The following IGSF10 variants were observed in gnomAD, a reference collection of about 807,000 sequenced individuals.
IGSF10 encodes calvaria mechanical force protein 608.
A neutral mutation model predicts 128.2 loss-of-function variants in IGSF10; 126 were observed. The observed-to-expected ratio is 0.98, with a 90% CI of 0.85 to 1.14. The LOEUF (loss-of-function observed/expected upper bound fraction) is 1.14, where lower values mean the gene tolerates loss of function less well. Ranked by LOEUF, IGSF10 falls within the 50% of genes most tolerant of loss-of-function variation. The pLI is 0.00. For synonymous variants in IGSF10, 1,185 were observed against 1,146.2 expected (o/e 1.03, Z -0.68); for missense variants, 3,295 against 3,149.8 (o/e 1.05, Z -1.10).
chr3:151,454,753 G>A (rs1478652589), intron 4 of IGSF10, among the ~76,000 whole-genome samples: 1 of 151,936 alleles, frequency 6.6e-6, no homozygotes, highest in African/African-American at 2.4e-5. Flanking sequence ...CAGCACTTTG[G>A]GAGGCTGAGG....
chr3:151,498,844 T>C, the IGSF10 span, among the ~76,000 whole-genome samples: 1 of 152,142 alleles, frequency 6.6e-6, no homozygotes, highest in African/African-American at 2.4e-5. Context: ...CTACTTACAC[T>C]TGAGCATACT....
Position 151,447,539 on chromosome 3 carries a change from C to T in IGSF10, c.2442G>A (p.Leu814=), listed in dbSNP as rs965350081. Residue 814 remains leucine (L), a synonymous_variant, in exon 6 of 8, where the codon TTG becomes TTA. Transcript: ENST00000282466. The stretch of plus-strand genomic sequence containing the variant: ...CAGTCACTGTCCTTGCTGGAAGGTT[C>T]AAAGCTTTAGTGGCCGGGACCATAA... ...EEFMVPATKA[L]NLPARTVTAD... 5.6e-6 allele frequency: 9 copies of T among 1,614,094 alleles called. No individual in the cohort carries two copies. The highest frequency in any genetic ancestry group is 7.6e-6 in the Non-Finnish European group (9 of 1,180,008).
Position 151,436,228 on chromosome 3 carries a change from T to C in IGSF10, c.*461A>G, listed in dbSNP as rs577489605. The C allele has an allele frequency of 1.3e-5, 2 of 153,688 alleles. No homozygotes were observed. Among genetic ancestry groups the C allele is most frequent in the African/African-American group, 2.4e-5 (1 of 41,410 alleles). 9.5% of individuals were successfully genotyped at this position (153,688 alleles called of 1,614,324 possible). A position where few individuals can be genotyped will look rare whatever the true frequency, so the allele number is the denominator to read the frequency against. Reference sequence around the variant, plus strand: ...TTTTCTGTAGGTTTTAGCAAAAAAATTTATAAACCACAAAATATTTATACA... The same window carrying C: ...TTTTCTGTAGGTTTTAGCAAAAAAACTTATAAACCACAAAATATTTATACA... On this transcript the variant is annotated 3_prime_UTR_variant, in exon 8 of 8. Coordinates refer to ENST00000282466, the MANE Select transcript of IGSF10 (RefSeq NM_178822.5).
rs149336117 is a variant in IGSF10 at position 151,443,625 on chromosome 3, G to T, written c.5322C>A (p.Ser1774Arg). The T allele has an allele frequency of 2.5e-6, 4 of 1,614,082 alleles. No homozygotes were observed. In the African/African-American group the frequency reaches 4.0e-5, roughly 16 times the overall value. Reference sequence around the variant, plus strand: ...TTGCAAGAATCCAGGTAACTGTAGGGCTTGGCCTACCTTCTGCTCTGCACT... The same window carrying T: ...TTGCAAGAATCCAGGTAACTGTAGGTCTTGGCCTACCTTCTGCTCTGCACT... ...ELKCRAEGRP[S>R]PTVTWILANQ... Residue 1774 changes from serine to arginine, a missense_variant, in exon 7 of 8, where the codon AGC becomes AGA. Transcript: ENST00000282466.
the IGSF10 span, among the ~76,000 whole-genome samples, chr3:151,557,646 C>A: frequency 6.6e-6 from 1 of 151,954 alleles, no homozygotes; most frequent in East Asian, 1.9e-4. Context: ...CATTAGCTGG[C>A]TTTAAGGATT....
chr3:151,486,455 A>G, the IGSF10 span, among the ~76,000 whole-genome samples: 1 of 152,204 alleles, frequency 6.6e-6, no homozygotes, highest in Admixed American at 6.5e-5. Flanking sequence ...TCACCTCTGG[A>G]CCAAGCAGAC....
the IGSF10 span, among the ~76,000 whole-genome samples, chr3:151,529,089 G>A: frequency 6.6e-6 from 1 of 152,132 alleles, no homozygotes; most frequent in East Asian, 1.9e-4. Flanking sequence ...GCTGCCGGGA[G>A]GTTCAAACTG....
the IGSF10 span, among the ~76,000 whole-genome samples, chr3:151,479,175 C>T: frequency 3.9e-5 from 6 of 152,030 alleles, no homozygotes; most frequent in Non-Finnish European, 5.9e-5. Flanking sequence ...CAAAGATCAA[C>T]GTTTTTGTCC....
chr3:151,513,717 A>G, the IGSF10 span, among the ~76,000 whole-genome samples: 1 of 152,174 alleles, frequency 6.6e-6, no homozygotes, highest in African/African-American at 2.4e-5. Flanking sequence ...TATATCTAGA[A>G]AACCCCATTG....
downstream of IGSF10, chr3:151,432,954 AG>A: frequency 1.9e-6 from 1 of 521,890 alleles, no homozygotes; most frequent in South Asian, 2.8e-5. Flanking sequence ...AAAAAAAAAA[AG>A]GTGTTTAAAC....
At chr3:151,463,538 T>TTTTTTTG (rs1560185504), upstream of IGSF10, among the ~76,000 whole-genome samples, 5 of 106,658 alleles carry the variant, frequency 4.7e-5, no homozygotes, top group Non-Finnish European at 7.4e-5. Flanking sequence ...TTTTTTTTTT[T>TTTTTTTG]TTTTTTTTTT....
chr3:151,435,994 ATTTTTAAAACC>A (rs1720139985), downstream of IGSF10: 1 of 152,202 alleles, frequency 6.6e-6, no homozygotes, highest in African/African-American at 2.4e-5. Context: ...GTTTCATTGT[ATTTTTAAAACC>A]TTTTTAATGG....
the IGSF10 span, among the ~76,000 whole-genome samples, chr3:151,561,048 A>T: frequency 6.6e-6 from 1 of 152,184 alleles, no homozygotes; most frequent in Non-Finnish European, 1.5e-5. Context: ...TTCAGAGAGT[A>T]TACATTCTTT....
the IGSF10 span, among the ~76,000 whole-genome samples, chr3:151,597,019 T>C: frequency 6.6e-6 from 1 of 151,992 alleles, no homozygotes; most frequent in African/African-American, 2.4e-5. Flanking sequence ...TTTTTTTTTT[T>C]CAGTAAATAA....
At chr3:151,583,861 C>T in the IGSF10 span, among the ~76,000 whole-genome samples, 1,289 of 152,190 alleles carry the variant, frequency 8.5e-3, 17 homozygotes, top group African/African-American at 0.029. Context: ...GTAGATTTGT[C>T]AAGTCTGACT....
the IGSF10 span, among the ~76,000 whole-genome samples, chr3:151,483,782 T>C: frequency 6.6e-6 from 1 of 152,158 alleles, no homozygotes; most frequent in African/African-American, 2.4e-5. Flanking sequence ...GATACTGAGC[T>C]TTTCCCATGG....
chr3:151,542,630 A>G, the IGSF10 span, among the ~76,000 whole-genome samples: 1 of 152,254 alleles, frequency 6.6e-6, no homozygotes, highest in Non-Finnish European at 1.5e-5. Context: ...CTATAAAAAC[A>G]AAATAAATGT....
the IGSF10 span, among the ~76,000 whole-genome samples, chr3:151,539,313 T>C: frequency 2.0e-5 from 3 of 152,048 alleles, no homozygotes; most frequent in African/African-American, 4.8e-5. Context: ...GCATAGCCGC[T>C]CTTAAGAGGA....
At chr3:151,545,816 A>AAC in the IGSF10 span, among the ~76,000 whole-genome samples, 29 of 96,794 alleles carry the variant, frequency 3.0e-4, 1 homozygote, top group Admixed American at 1.6e-3. Context: ...AAAGAAAATA[A>AAC]ACGTGGTGAA....
Sources: allele counts gnomAD v4.1 joint callset (sites outside exome capture counted in the v4.1 genomes callset), GRCh38; gene constraint gnomAD v4.1.1; transcripts MANE v1.5; gene names NCBI Gene and HGNC (gene_info 2026-07-23, HGNC 2026-07-21).